The following TMEM233 variants were observed in gnomAD, a reference collection of about 807,000 sequenced individuals.
The protein encoded by TMEM233 is transmembrane protein 233.
A neutral mutation model predicts 11.2 loss-of-function variants in TMEM233; 6 were observed. That is an observed-to-expected ratio of 0.54 (90% CI 0.29 to 1.06). The LOEUF is 1.06. Among genes scored for constraint, TMEM233 ranks in the 50% least tolerant of loss-of-function variants. The probability of loss-of-function intolerance (pLI) is 0.08; values close to 1 mark genes in which losing one functional copy is unlikely to be tolerated. For missense variants in TMEM233, 127 were observed against 144.7 expected (o/e 0.88, Z 0.63); for synonymous variants, 59 against 55.8 (o/e 1.06, Z -0.26).
At chr12:119,623,553 C>CAAAAAAAAAAA (rs57936432) in intron 1 of TMEM233, among the ~76,000 whole-genome samples, 1 of 135,724 alleles carries the variant, frequency 7.4e-6, no homozygotes, top group African/African-American at 2.8e-5. Flanking sequence ...ACCAAAAATA[C>CAAAAAAAAAAA]AAAAAAAAAA....
chr12:119,597,307 T>C (rs539587354), intron 1 of TMEM233, among the ~76,000 whole-genome samples: 2 of 152,354 alleles, frequency 1.3e-5, no homozygotes, highest in East Asian at 3.9e-4. Context: ...GCCGAAGTAC[T>C]AATGTCTGCC....
intron 2 of TMEM233, chr12:119,634,280 C>G: frequency 1.0e-6 from 1 of 985,218 alleles, no homozygotes; most frequent in Non-Finnish European, 1.2e-6. Context: ...GCCCAAAACC[C>G]ATGAATCTGT....
At chr12:119,609,336 T>G (rs1361966713) in intron 1 of TMEM233, among the ~76,000 whole-genome samples, 1 of 152,150 alleles carries the variant, frequency 6.6e-6, no homozygotes, top group Non-Finnish European at 1.5e-5. Context: ...AAGTAGAGCA[T>G]AAAAGTTTGG....
chr12:119,637,234 GT>G (rs1277837601), intron 2 of TMEM233, among the ~76,000 whole-genome samples: 1 of 152,178 alleles, frequency 6.6e-6, no homozygotes, highest in Non-Finnish European at 1.5e-5. Flanking sequence ...TCTCTGAGTG[GT>G]CTTGTTGAGG....
At chr12:119,631,753 C>T (rs1346286434) in intron 2 of TMEM233, 1 of 695,558 alleles carries the variant, frequency 1.4e-6, no homozygotes, top group Non-Finnish European at 1.8e-6. Flanking sequence ...AGACCTTCAG[C>T]CAATTGTTTA....
At chr12:119,647,893 T>C (rs1192381348), downstream of TMEM233, among the ~76,000 whole-genome samples, 2 of 151,830 alleles carry the variant, frequency 1.3e-5, no homozygotes, top group Admixed American at 6.6e-5. Context: ...TCCAAACTTT[T>C]AATGATACCC....
intron 1 of TMEM233, among the ~76,000 whole-genome samples, chr12:119,618,170 G>A (rs1463464019): frequency 1.3e-5 from 2 of 152,246 alleles, no homozygotes; most frequent in African/African-American, 4.8e-5. Flanking sequence ...TCCATGTGGT[G>A]TTAGTCCTGA....
intron 1 of TMEM233, among the ~76,000 whole-genome samples, chr12:119,625,597 A>G (rs888263951): frequency 2.5e-4 from 38 of 152,156 alleles, no homozygotes; most frequent in Admixed American, 2.1e-3. Context: ...CAGCCATGGG[A>G]TGATAAAGAG....
At chr12:119,613,057 C>A (rs1954438578) in intron 1 of TMEM233, among the ~76,000 whole-genome samples, 1 of 151,800 alleles carries the variant, frequency 6.6e-6, no homozygotes, top group Admixed American at 6.6e-5. Flanking sequence ...GTTTGCTGCA[C>A]CCATCAACTC....
At chr12:119,596,297 C>T (rs1250572714) in intron 1 of TMEM233, among the ~76,000 whole-genome samples, 1 of 152,136 alleles carries the variant, frequency 6.6e-6, no homozygotes, top group Non-Finnish European at 1.5e-5. Flanking sequence ...CCTGCAAAGG[C>T]TTTTTCCCTC....
intron 2 of TMEM233, among the ~76,000 whole-genome samples, chr12:119,632,875 T>C (rs1042441966): frequency 6.6e-6 from 1 of 152,220 alleles, no homozygotes; most frequent in Non-Finnish European, 1.5e-5. Context: ...CAGTCTCTAG[T>C]GGACAGTTTG....
At chr12:119,638,305 T>TA (rs1955006949) in intron 2 of TMEM233, among the ~76,000 whole-genome samples, 4 of 151,704 alleles carry the variant, frequency 2.6e-5, no homozygotes, top group Admixed American at 1.3e-4. Context: ...ACTAAAAATT[T>TA]AAAAAAATAT....
intron 1 of TMEM233, among the ~76,000 whole-genome samples, chr12:119,626,375 C>T (rs1455160507): frequency 4.0e-5 from 6 of 150,694 alleles, no homozygotes; most frequent in South Asian, 4.2e-4. Flanking sequence ...GAGGCTGAGG[C>T]GGGAGAATGG....
In TMEM233 at chr12:119,594,112, C is replaced by T; in HGVS notation, c.186+78C>T. The T allele has an allele frequency of 7.2e-7, 1 of 1,395,192 alleles. No individual in the cohort carries two copies. The highest frequency in any genetic ancestry group is 9.7e-7 in the Non-Finnish European group (1 of 1,026,810). The allele number at this position is 1,395,192 out of a possible 1,614,324, so 86.4% of individuals were successfully genotyped here. A position where few individuals can be genotyped will look rare whatever the true frequency, so the allele number is the denominator to read the frequency against. ...GAGCCCCTGCAGGGGAGTCCGCGCGCTCTCTGCGGCTCCCTTCCTCACGGC... is the reference window on the plus strand; with the variant it reads ...GAGCCCCTGCAGGGGAGTCCGCGCGTTCTCTGCGGCTCCCTTCCTCACGGC... On this transcript the variant is annotated intron_variant, in intron 1 of 2. Coordinates refer to ENST00000426426, the MANE Select transcript of TMEM233 (RefSeq NM_001136534.3). This position sits in a 1 kb window ranked among gnomAD's most constrained non-coding sequence, Gnocchi z 5.6.
Position 119,615,479 on chromosome 12 carries a change from C to G in TMEM233, c.187-14257C>G, listed in dbSNP as rs563540346. 6.7e-4 allele frequency among the ~76,000 whole-genome samples: 102 copies of G among 152,302 alleles called. 1 individual carries two copies. In the South Asian group the frequency reaches 0.015, roughly 23 times the overall value. On this transcript the variant is annotated intron_variant, in intron 1 of 2. Coordinates refer to ENST00000426426, the MANE Select transcript of TMEM233 (RefSeq NM_001136534.3). ...AATTCTGATGCTGGGGTCCCACCCC[C>G]AGAGAGCCTGATTCAGTTGGTTTGG...
At chr12:119,630,598 G>T (rs912859214) in intron 2 of TMEM233, among the ~76,000 whole-genome samples, 4 of 152,204 alleles carry the variant, frequency 2.6e-5, no homozygotes, top group Non-Finnish European at 4.4e-5. Context: ...ATCTGTCTGT[G>T]GGCTGTAGTT....
At position 119,611,148 on chromosome 12, in the gene TMEM233, C is replaced by A. The variant is rs143135140; in HGVS notation, c.186+17114C>A. 7.3e-4 allele frequency among the ~76,000 whole-genome samples: 111 copies of A among 152,180 alleles called. 1 individual carries two copies. The highest frequency in any genetic ancestry group is 2.0e-3 in the African/African-American group (83 of 41,498). On this transcript the variant is annotated intron_variant, in intron 1 of 2. Transcript: ENST00000426426. Reference sequence around the variant, plus strand: ...TGCTGCTATGAATATTCATGCACAACTTTTCTGTATGAACTTATGTTTTCA... The same window carrying A: ...TGCTGCTATGAATATTCATGCACAAATTTTCTGTATGAACTTATGTTTTCA...
At chr12:119,608,444 C>CA in intron 1 of TMEM233, among the ~76,000 whole-genome samples, 1 of 152,306 alleles carries the variant, frequency 6.6e-6, no homozygotes, top group South Asian at 2.1e-4. Context: ...TTGATTATAG[C>CA]AAAGTCCAAG....
At chr12:119,633,992 G>A (rs1954930740) in intron 2 of TMEM233, among the ~76,000 whole-genome samples, 1 of 152,252 alleles carries the variant, frequency 6.6e-6, no homozygotes, top group African/African-American at 2.4e-5. Flanking sequence ...TGAGGATTCA[G>A]ATGCAGGTGG....
Sources: gnomAD v4.1 joint callset for allele counts (sites outside exome capture counted in the v4.1 genomes callset) on GRCh38, gnomAD v4.1.1 for gene constraint, Gnocchi (gnomAD v3.1) non-coding constraint, MANE v1.5 for transcripts, NCBI Gene and HGNC (gene_info 2026-07-23, HGNC 2026-07-21) for gene names.